Variants in MLLT10 observed in about 807,000 individuals in gnomAD.
The protein encoded by MLLT10 is MLLT10 histone lysine methyltransferase DOT1L cofactor.
In MLLT10, 30 loss-of-function variants were observed where a neutral mutation model predicts 129.1. That is an observed-to-expected ratio of 0.23 (90% CI 0.17 to 0.32). The LOEUF is 0.32. MLLT10 is among the 10% of genes least tolerant of loss of function. The pLI is 1.00. For missense variants in MLLT10, 1,119 were observed against 1,268.3 expected (o/e 0.88, Z 1.79); for synonymous variants, 490 against 446.4 (o/e 1.10, Z -1.23).
intron 3 of MLLT10, among the ~76,000 whole-genome samples, chr10:21,555,051 C>T (rs1381919396): frequency 1.3e-5 from 2 of 151,712 alleles, no homozygotes; most frequent in African/African-American, 2.4e-5. Context: ...GAACTCCTGA[C>T]CTCAGGTGAT....
intron 9 of MLLT10, among the ~76,000 whole-genome samples, chr10:21,666,175 G>A (rs987337767): frequency 6.6e-6 from 1 of 151,888 alleles, no homozygotes; most frequent in Non-Finnish European, 1.5e-5. Flanking sequence ...TAGAGAGTAC[G>A]GTATAGCGTC....
chr10:21,721,286 G>GTTA (rs1332962386), intron 14 of MLLT10, among the ~76,000 whole-genome samples: 1 of 152,078 alleles, frequency 6.6e-6, no homozygotes, highest in Non-Finnish European at 1.5e-5. Context: ...ATACATTGCT[G>GTTA]TTAATACAGT....
intron 18 of MLLT10, 76 bp from the exon 19 acceptor site, chr10:21,733,424 CTTTT>C: frequency 1.1e-6 from 1 of 910,142 alleles, no homozygotes; most frequent in Non-Finnish European, 1.6e-6. Context: ...TCAGCATAAG[CTTTT>C]TAATAAGCCT....
At chr10:21,555,306 C>T (rs895095025) in intron 3 of MLLT10, among the ~76,000 whole-genome samples, 4 of 151,894 alleles carry the variant, frequency 2.6e-5, no homozygotes, top group African/African-American at 9.7e-5. Flanking sequence ...CACTGCAGTC[C>T]CCACCTCCTG....
At chr10:21,534,183 G>A (rs2033328391), upstream of MLLT10, 1 of 389,980 alleles carries the variant, frequency 2.6e-6, no homozygotes, top group African/African-American at 2.1e-5. Flanking sequence ...CGCGCACGCA[G>A]GGCTAGCCTC....
intron 4 of MLLT10, among the ~76,000 whole-genome samples, chr10:21,587,909 G>C (rs2042144484): frequency 2.0e-5 from 3 of 152,058 alleles, no homozygotes; most frequent in Middle Eastern, 3.4e-3. Flanking sequence ...TTACTTTCTT[G>C]CATATCTTTC....
intron 13 of MLLT10, among the ~76,000 whole-genome samples, chr10:21,706,717 A>G (rs1466518992): frequency 6.6e-6 from 1 of 152,190 alleles, no homozygotes. Context: ...CTGTCATTAG[A>G]CAGGTATACT....
chr10:21,675,479 C>G (rs1187305546), intron 11 of MLLT10, among the ~76,000 whole-genome samples: 1 of 152,114 alleles, frequency 6.6e-6, no homozygotes, highest in African/African-American at 2.4e-5. Context: ...TTGAGGCTCA[C>G]TATTTTAGAG....
intron 21 of MLLT10, among the ~76,000 whole-genome samples, chr10:21,737,876 C>A (rs1382829093): frequency 6.6e-6 from 1 of 152,188 alleles, no homozygotes; most frequent in African/African-American, 2.4e-5. Context: ...TACTATTTTG[C>A]TGCAGTCAAA....
intron 6 of MLLT10, among the ~76,000 whole-genome samples, chr10:21,613,619 A>C (rs1196056858): frequency 6.6e-6 from 1 of 152,162 alleles, no homozygotes; most frequent in South Asian, 2.1e-4. Flanking sequence ...AAAAATGAAT[A>C]TGCTAGGCAC....
At chr10:21,626,210 G>T in intron 8 of MLLT10, 2 of 1,598,050 alleles carry the variant, frequency 1.3e-6, no homozygotes, top group African/African-American at 1.3e-5. Context: ...CTGTAGTACA[G>T]ACAGAGCTCC....
chr10:21,680,052 C>T (rs961832708), intron 11 of MLLT10, among the ~76,000 whole-genome samples: 15 of 152,056 alleles, frequency 9.9e-5, no homozygotes, highest in Non-Finnish European at 2.1e-4. Flanking sequence ...CCTCAGAAAG[C>T]CATATAGAAA....
intron 3 of MLLT10, among the ~76,000 whole-genome samples, chr10:21,566,164 A>T (rs2039530228): frequency 6.6e-6 from 1 of 151,548 alleles, no homozygotes; most frequent in Non-Finnish European, 1.5e-5. Flanking sequence ...TGTGTTGGTC[A>T]GGCTGGTCTT....
At chr10:21,640,878 A>G (rs1412905113) in intron 8 of MLLT10, among the ~76,000 whole-genome samples, 3 of 152,204 alleles carry the variant, frequency 2.0e-5, no homozygotes, top group East Asian at 1.9e-4. Flanking sequence ...TCCTTGATTG[A>G]CAAACAAATT....
intron 2 of MLLT10, among the ~76,000 whole-genome samples, chr10:21,535,899 C>A (rs1480829751): frequency 6.6e-6 from 1 of 152,202 alleles, no homozygotes; most frequent in Non-Finnish European, 1.5e-5. Flanking sequence ...AGGTAGTGTA[C>A]TTACTCTGAG....
At chr10:21,547,403 CTTT>C (rs756393852) in intron 3 of MLLT10, among the ~76,000 whole-genome samples, 7 of 119,270 alleles carry the variant, frequency 5.9e-5, no homozygotes, top group Admixed American at 8.4e-5. Flanking sequence ...CTGCTGTTTT[CTTT>C]TTTTTTTTTT....
chr10:21,574,061 G>A (rs1200225033), intron 3 of MLLT10, among the ~76,000 whole-genome samples: 1 of 152,168 alleles, frequency 6.6e-6, no homozygotes, highest in Non-Finnish European at 1.5e-5. Context: ...AAATACTTGT[G>A]TGAGATTGAT....
At chr10:21,729,954 A>G (rs2057819402) in intron 16 of MLLT10, among the ~76,000 whole-genome samples, 2 of 152,152 alleles carry the variant, frequency 1.3e-5, no homozygotes, top group East Asian at 3.8e-4. Flanking sequence ...AGAAATATTC[A>G]TGTAAAAGGA....
chr10:21,537,220 A>G (rs943426812), intron 2 of MLLT10, among the ~76,000 whole-genome samples: 1 of 152,178 alleles, frequency 6.6e-6, no homozygotes, highest in African/African-American at 2.4e-5. Flanking sequence ...TTGGAGTTTT[A>G]AAAAGTTATA....
Sources: gnomAD v4.1 joint callset for allele counts (sites outside exome capture counted in the v4.1 genomes callset) on GRCh38, gnomAD v4.1.1 for gene constraint, MANE v1.5 for transcripts, NCBI Gene and HGNC (gene_info 2026-07-23, HGNC 2026-07-21) for gene names.